Variants in MTA3 observed in about 807,000 individuals in gnomAD.
The protein encoded by MTA3 is metastasis associated 1 family member 3.
MTA3 carries 34 observed loss-of-function variants against 83.5 expected under a neutral mutation model. The observed-to-expected ratio is 0.41, with a 90% CI of 0.31 to 0.54. MTA3 has a LOEUF of 0.54. Ranked by LOEUF, MTA3 falls within the 20% of genes least tolerant of loss-of-function variation. The pLI is 0.33. For missense variants in MTA3, 761 were observed against 726.4 expected (o/e 1.05, Z -0.55); for synonymous variants, 303 against 252.7 (o/e 1.20, Z -1.89).
chr2:42,495,171 G>T (rs1674076268), exon 2 of MTA3: 1 of 152,584 alleles, frequency 6.6e-6, no homozygotes, highest in African/African-American at 2.4e-5. Flanking sequence ...AGGATTGTCC[G>T]GTGCCCGCTA....
At chr2:42,531,478 ACT>A (rs1269495321) in intron 2 of MTA3, among the ~76,000 whole-genome samples, 3 of 90,960 alleles carry the variant, frequency 3.3e-5, no homozygotes, top group African/African-American at 4.2e-5. Context: ...TTTGAGAAGG[ACT>A]CTTGCTCTAT....
intron 2 of MTA3, among the ~76,000 whole-genome samples, chr2:42,549,337 G>A (rs1446675722): frequency 2.3e-4 from 26 of 112,730 alleles, no homozygotes; most frequent in South Asian, 1.8e-3. Flanking sequence ...ATACGTATAC[G>A]TATACATTAT....
intron 8 of MTA3, among the ~76,000 whole-genome samples, chr2:42,662,700 C>G (rs1032167134): frequency 5.9e-5 from 9 of 151,300 alleles, no homozygotes; most frequent in African/African-American, 1.9e-4. Context: ...CTCCACCGCC[C>G]CTATGTTTTC....
rs2104618060 is a variant in MTA3 at position 42,756,730 on chromosome 2, T to C, written c.*3331T>C. 1 of 985,536 alleles carries C rather than the reference T, an allele frequency of 1.0e-6. No individual in the cohort carries two copies. The highest frequency in any genetic ancestry group is 1.2e-6 in the Non-Finnish European group (1 of 829,984). 61.0% of individuals were successfully genotyped at this position (985,536 alleles called of 1,614,324 possible). A position where few individuals can be genotyped will look rare whatever the true frequency, so the allele number is the denominator to read the frequency against. ...CTCACCATTCCCCCCAGGAAGGCCATGTCCCAGTTTTCTGTCCACCCCTCC... is the reference window on the plus strand; with the variant it reads ...CTCACCATTCCCCCCAGGAAGGCCACGTCCCAGTTTTCTGTCCACCCCTCC... On this transcript the variant is annotated 3_prime_UTR_variant, in exon 17 of 17. Transcript: ENST00000405094.
At chr2:42,509,754 C>T (rs1362752779) in intron 2 of MTA3, among the ~76,000 whole-genome samples, 3 of 151,750 alleles carry the variant, frequency 2.0e-5, no homozygotes, top group Non-Finnish European at 4.4e-5. Context: ...CTGGGCGACA[C>T]AGTGAGACCC....
intron 1 of MTA3, among the ~76,000 whole-genome samples, 194 bp from the exon 2 acceptor site, chr2:42,570,243 C>A (rs1678315407): frequency 6.6e-6 from 1 of 152,020 alleles, no homozygotes; most frequent in African/African-American, 2.4e-5. Context: ...AATGAAAATG[C>A]CAAGAAAATA....
chr2:42,754,369 C>T lies in MTA3; in HGVS notation c.*970C>T, dbSNP rs983058979. On this transcript the variant is annotated 3_prime_UTR_variant, in exon 17 of 17. Coordinates refer to ENST00000405094, the MANE Select transcript of MTA3 (RefSeq NM_001330442.2). ...GGGTATGAGTCTGTGTGGCCAACCCCATGACCCCCACCCCTCCAGCCCAAC... is the reference window on the plus strand; with the variant it reads ...GGGTATGAGTCTGTGTGGCCAACCCTATGACCCCCACCCCTCCAGCCCAAC... 6.1e-6 allele frequency: 6 copies of T among 985,424 alleles called. No homozygotes were observed. The African/African-American group carries it at 8.7e-5, about 14-fold the overall frequency. The allele number at this position is 985,424 out of a possible 1,614,324, so 61.0% of individuals were successfully genotyped here. A position where few individuals can be genotyped will look rare whatever the true frequency, so the allele number is the denominator to read the frequency against.
At chr2:42,733,752 G>A (rs1668402734) in intron 16 of MTA3, among the ~76,000 whole-genome samples, 1 of 152,068 alleles carries the variant, frequency 6.6e-6, no homozygotes, top group Non-Finnish European at 1.5e-5. Context: ...TCCTGACTCA[G>A]GTTTCCCAAA....
chr2:42,591,413 A>T (rs954812959), intron 3 of MTA3, among the ~76,000 whole-genome samples: 1 of 152,166 alleles, frequency 6.6e-6, no homozygotes, highest in Admixed American at 6.5e-5. Flanking sequence ...ACCACTGTAG[A>T]CTTACTAAAC....
At chr2:42,579,627 A>G (rs1284386483) in intron 3 of MTA3, among the ~76,000 whole-genome samples, 1 of 151,818 alleles carries the variant, frequency 6.6e-6, no homozygotes, top group East Asian at 1.9e-4. Flanking sequence ...CACATTCATT[A>G]ATTGGTGAAA....
chr2:42,496,861 C>T (rs1280060466), intron 2 of MTA3, among the ~76,000 whole-genome samples: 1 of 152,174 alleles, frequency 6.6e-6, no homozygotes, highest in African/African-American at 2.4e-5. Context: ...ATAAGGCCAC[C>T]ACAGAGCTCT....
At chr2:42,606,672 CG>C (rs1465445102) in intron 3 of MTA3, among the ~76,000 whole-genome samples, 1 of 151,098 alleles carries the variant, frequency 6.6e-6, no homozygotes, top group East Asian at 1.9e-4. Context: ...ACTTCCCAGA[CG>C]GGGTGGCGGC....
chr2:42,719,308 C>T (rs915913691), intron 15 of MTA3, among the ~76,000 whole-genome samples: 18 of 151,824 alleles, frequency 1.2e-4, no homozygotes, highest in Admixed American at 7.2e-4. Flanking sequence ...AAAAAGCCAT[C>T]GAATAAAAAT....
At chr2:42,576,666 C>T (rs1292492161) in intron 2 of MTA3, among the ~76,000 whole-genome samples, 3 of 152,028 alleles carry the variant, frequency 2.0e-5, no homozygotes, top group East Asian at 1.9e-4. Context: ...TTCGGGAGGC[C>T]GAGGTGGGTG....
intron 8 of MTA3, among the ~76,000 whole-genome samples, chr2:42,671,776 T>G (rs371922168): frequency 6.6e-6 from 1 of 152,218 alleles, no homozygotes; most frequent in African/African-American, 2.4e-5. Flanking sequence ...GTGCTACCAA[T>G]TGTTTCCATG....
intron 2 of MTA3, among the ~76,000 whole-genome samples, chr2:42,535,468 C>T (rs1339898595): frequency 6.6e-6 from 1 of 151,944 alleles, no homozygotes; most frequent in South Asian, 2.1e-4. Context: ...ACAGGCTGAT[C>T]TTGAACTCTT....
At chr2:42,507,258 A>C (rs1410925833) in intron 2 of MTA3, among the ~76,000 whole-genome samples, 1 of 151,632 alleles carries the variant, frequency 6.6e-6, no homozygotes, top group African/African-American at 2.4e-5. Context: ...TGTGGCCTTG[A>C]CCTCCTAAGC....
chr2:42,540,979 G>A (rs561578238), intron 2 of MTA3, among the ~76,000 whole-genome samples: 1 of 151,606 alleles, frequency 6.6e-6, no homozygotes, highest in South Asian at 2.1e-4. Context: ...AAGATTTTTC[G>A]ACTTCATGAT....
chr2:42,615,981 A>G (rs933037645), intron 4 of MTA3, among the ~76,000 whole-genome samples: 1 of 151,686 alleles, frequency 6.6e-6, no homozygotes, highest in African/African-American at 2.4e-5. Context: ...CAGCCTCCCA[A>G]AGTGCTGGGA....
Sources: allele counts gnomAD v4.1 joint callset (sites outside exome capture counted in the v4.1 genomes callset), GRCh38; gene constraint gnomAD v4.1.1; transcripts MANE v1.5; gene names NCBI Gene and HGNC (gene_info 2026-07-23, HGNC 2026-07-21).